The following DAB2 variants were observed in gnomAD, a reference collection of about 807,000 sequenced individuals.
DAB2 encodes the protein disabled homolog 2.
DAB2 carries 28 observed loss-of-function variants against 71.6 expected under a neutral mutation model. The observed-to-expected ratio is 0.39, with a 90% CI of 0.29 to 0.54. The LOEUF (loss-of-function observed/expected upper bound fraction) is 0.54. DAB2 is among the 20% of genes least tolerant of loss of function. DAB2 has a pLI of 0.68. For synonymous variants in DAB2, 345 were observed against 339.7 expected (o/e 1.02, Z -0.17); for missense variants, 867 against 928.8 (o/e 0.93, Z 0.86).
chr5:39,410,592 A>G (rs1755701670), intron 1 of DAB2, among the ~76,000 whole-genome samples: 1 of 152,144 alleles, frequency 6.6e-6, no homozygotes, highest in Non-Finnish European at 1.5e-5. Context: ...TGAAAAATTT[A>G]TATACTAGGA....
At chr5:39,398,844 A>G (rs1210132498) in intron 1 of DAB2, among the ~76,000 whole-genome samples, 2 of 152,230 alleles carry the variant, frequency 1.3e-5, no homozygotes, top group Admixed American at 1.3e-4. Flanking sequence ...TGCAGTGGGT[A>G]GAAGGCAGCT....
intron 1 of DAB2, among the ~76,000 whole-genome samples, chr5:39,395,981 C>T (rs897130955): frequency 1.2e-4 from 13 of 104,732 alleles, no homozygotes; most frequent in African/African-American, 4.0e-4. Flanking sequence ...CTTGCTGTGT[C>T]GCCCAGGCTG....
At chr5:39,398,559 A>G (rs867725101) in intron 1 of DAB2, among the ~76,000 whole-genome samples, 22 of 152,314 alleles carry the variant, frequency 1.4e-4, no homozygotes, top group African/African-American at 5.1e-4. Flanking sequence ...GTGTATGTTG[A>G]GTTGCAATAG....
intron 9 of DAB2, among the ~76,000 whole-genome samples, chr5:39,384,127 A>G (rs1379319218): frequency 6.6e-6 from 1 of 152,224 alleles, no homozygotes; most frequent in Non-Finnish European, 1.5e-5. Context: ...GTGTTGTGAC[A>G]GTAATCTCAT....
chr5:39,422,994 A>T lies in DAB2; in HGVS notation c.-102+1810T>A, dbSNP rs1356268613. On this transcript the variant is annotated intron_variant, in intron 1 of 14. Coordinates refer to ENST00000320816, the MANE Select transcript of DAB2 (RefSeq NM_001343.4). The surrounding 1 kb of genome is among the most constrained non-coding windows in gnomAD (Gnocchi z 4.1). Reference sequence around the variant, plus strand: ...ATCCTCAGGTAAAGATCAACCATCAAGATCAAAGATCCCCAGAATGGCAAA... The same window carrying T: ...ATCCTCAGGTAAAGATCAACCATCATGATCAAAGATCCCCAGAATGGCAAA... Among the ~76,000 whole-genome samples, 1 of 152,212 alleles carries T rather than the reference A, an allele frequency of 6.6e-6. No individual in the cohort carries two copies. Among genetic ancestry groups the T allele is most frequent in the Non-Finnish European group, 1.5e-5 (1 of 68,026 alleles).
chr5:39,383,102 A>T lies in DAB2; in HGVS notation c.857T>A (p.Phe286Tyr). 2.5e-6 allele frequency: 4 copies of T among 1,614,150 alleles called. No homozygotes were observed. Among genetic ancestry groups the T allele is most frequent in the Non-Finnish European group, 3.4e-6 (4 of 1,180,030 alleles). The stretch of plus-strand genomic sequence containing the variant: ...AGGATCAGGATTAGGGGTGGGAAAG[A>T]AGTTGAGATTGGCAGAAAAGGCATT... ...PENAFSANLN[F>Y]FPTPNPDPFR... Residue 286 changes from phenylalanine (F) to tyrosine (Y), a missense_variant, in exon 10 of 15, where the codon TTC becomes TAC. Phe to Tyr is a conservative substitution (Grantham distance 22). Around this residue, in one of 2 missense-constraint regions of DAB2, gnomAD observed 740 missense variants for 734.3 expected, o/e 1.01. Transcript: ENST00000320816.
At chr5:39,398,453 C>A (rs2112073875) in intron 1 of DAB2, among the ~76,000 whole-genome samples, 1 of 152,216 alleles carries the variant, frequency 6.6e-6, no homozygotes, top group Admixed American at 6.5e-5. Context: ...TGACTATATC[C>A]TTTCGCCATT....
intron 1 of DAB2, among the ~76,000 whole-genome samples, chr5:39,411,288 C>T (rs1295966109): frequency 1.3e-5 from 2 of 152,134 alleles, no homozygotes; most frequent in Admixed American, 1.3e-4. Flanking sequence ...AAGGAAGTTT[C>T]CTTGGTTCAT....
chr5:39,375,137 A>G (rs1754794267), intron 13 of DAB2, 53 bp from the exon 14 acceptor site: 3 of 1,381,974 alleles, frequency 2.2e-6, no homozygotes, highest in South Asian at 2.5e-5. Flanking sequence ...CATAAGAAAA[A>G]AATCGCAATG....
chr5:39,416,686 G>C (rs1349183616), intron 1 of DAB2, among the ~76,000 whole-genome samples: 1 of 152,002 alleles, frequency 6.6e-6, no homozygotes, highest in Non-Finnish European at 1.5e-5. Context: ...TGGTCTCAGG[G>C]AAGTCTTTAC....
chr5:39,419,996 C>A (rs533848497), intron 1 of DAB2, among the ~76,000 whole-genome samples: 1 of 152,200 alleles, frequency 6.6e-6, no homozygotes, highest in African/African-American at 2.4e-5. Flanking sequence ...ATCCTAAAAC[C>A]ACTGAATTAT....
chr5:39,375,943 G>A (rs1355178360), intron 13 of DAB2, 54 bp downstream of exon 13: 1 of 1,283,386 alleles, frequency 7.8e-7, no homozygotes, highest in East Asian at 2.3e-5. Context: ...TCAGGAGGCT[G>A]GAGCTCTATG....
chr5:39,375,939 G>C (rs1463737344), intron 13 of DAB2, 58 bp downstream of exon 13: 2 of 1,240,510 alleles, frequency 1.6e-6, no homozygotes, highest in African/African-American at 3.0e-5. Context: ...TAATTCAGGA[G>C]GCTGGAGCTC....
At chr5:39,415,832 G>C (rs1359218657) in intron 1 of DAB2, among the ~76,000 whole-genome samples, 1 of 152,112 alleles carries the variant, frequency 6.6e-6, no homozygotes, top group Non-Finnish European at 1.5e-5. Context: ...GAGTTCTTGT[G>C]CAGAAAACTG....
chr5:39,389,953 G>A (rs1441054461), intron 5 of DAB2, 21 bp from the exon 6 acceptor site: 3 of 1,456,016 alleles, frequency 2.1e-6, no homozygotes, highest in South Asian at 2.5e-5. Flanking sequence ...GGAAAGCACT[G>A]TTATCCGTAT....
At chr5:39,386,292 AT>A (rs921523417) in intron 9 of DAB2, among the ~76,000 whole-genome samples, 2 of 152,220 alleles carry the variant, frequency 1.3e-5, no homozygotes, top group Non-Finnish European at 1.5e-5. Flanking sequence ...TTCTGTATAA[AT>A]TTGAGGGGAG....
At chr5:39,416,568 A>C (rs1223451386) in intron 1 of DAB2, among the ~76,000 whole-genome samples, 1 of 152,140 alleles carries the variant, frequency 6.6e-6, no homozygotes, top group Non-Finnish European at 1.5e-5. Context: ...CTAAACAGAC[A>C]CATAGACACA....
intron 11 of DAB2, among the ~76,000 whole-genome samples, chr5:39,377,898 A>G (rs1436888899): frequency 1.3e-5 from 2 of 152,246 alleles, no homozygotes; most frequent in East Asian, 3.8e-4. Flanking sequence ...ACAGCTATAT[A>G]CATAAAGGGA....
chr5:39,393,781 A>T (rs1384580345), intron 2 of DAB2, among the ~76,000 whole-genome samples: 3 of 152,204 alleles, frequency 2.0e-5, no homozygotes, highest in African/African-American at 7.2e-5. Flanking sequence ...CCAACATTTT[A>T]AATTATCAAT....
Sources: gnomAD v4.1 joint callset for allele counts (sites outside exome capture counted in the v4.1 genomes callset) on GRCh38, gnomAD v4.1.1 for gene constraint, gnomAD v4.1.1 regional missense constraint, Gnocchi (gnomAD v3.1) non-coding constraint, MANE v1.5 for transcripts, NCBI Gene and HGNC (gene_info 2026-07-23, HGNC 2026-07-21) for gene names.